Variants in LSM14A observed in about 807,000 individuals in gnomAD.
LSM14A encodes protein LSM14 homolog A.
LSM14A carries 14 observed loss-of-function variants against 52.4 expected under a neutral mutation model. The observed-to-expected ratio is 0.27, with a 90% CI of 0.18 to 0.42. LSM14A has a LOEUF of 0.42. Ranked by LOEUF, LSM14A falls within the 10% of genes least tolerant of loss-of-function variation. The pLI, the probability that LSM14A is intolerant of heterozygous loss-of-function variation, is 1.00. For missense variants in LSM14A, 417 were observed against 581.8 expected, an observed-to-expected ratio of 0.72 and a Z score of 2.91; for synonymous variants, 185 against 200.3, an observed-to-expected ratio of 0.92 and a Z score of 0.64.
Position 34,203,172 on chromosome 19 carries a change from G to A in LSM14A, c.416-5757G>A, listed in dbSNP as rs377161385. Among the ~76,000 whole-genome samples the A allele has an allele frequency of 4.0e-4, 61 of 152,304 alleles. No individual in the cohort carries two copies. The South Asian group carries it at 4.4e-3, about 11-fold the overall frequency. The stretch of plus-strand genomic sequence containing the variant: ...AACAGTGAAAGGTATAGATTGACCA[G>A]CTATCTAAAGTAATTCTATAGCAAG... On this transcript the variant is annotated intron_variant, in intron 3 of 9. Coordinates refer to ENST00000544216, the MANE Select transcript of LSM14A (RefSeq NM_015578.4).
intron 5 of LSM14A, 31 bp downstream of exon 5, chr19:34,215,331 TTGAC>T (rs2072497220): frequency 6.4e-7 from 1 of 1,559,504 alleles, no homozygotes; most frequent in African/African-American, 1.4e-5. Flanking sequence ...TGTTCCTTAA[TTGAC>T]TGATCAATGT....
chr19:34,173,285 C>CGATGCCGTGGAGCA (rs1471084777), intron 1 of LSM14A, among the ~76,000 whole-genome samples: 9 of 152,168 alleles, frequency 5.9e-5, no homozygotes, highest in African/African-American at 2.2e-4. Context: ...GAAATGCCAT[C>CGATGCCGTGGAGCA]GATGCCGTGG....
At chr19:34,220,088 G>C (rs999364131) in intron 8 of LSM14A, among the ~76,000 whole-genome samples, 1 of 152,050 alleles carries the variant, frequency 6.6e-6, no homozygotes, top group African/African-American at 2.4e-5. Context: ...TCCCATCTCA[G>C]CCTCAGTAAA....
chr19:34,175,227 T>A (rs1008623021), intron 1 of LSM14A, among the ~76,000 whole-genome samples: 1 of 151,988 alleles, frequency 6.6e-6, no homozygotes, highest in South Asian at 2.1e-4. Flanking sequence ...GCTTTTTCTT[T>A]TTCTTTTTTT....
At chr19:34,214,292 C>CTTTA (rs61278191) in intron 4 of LSM14A, among the ~76,000 whole-genome samples, 10,299 of 148,444 alleles carry the variant, frequency 0.069, 471 homozygotes, top group African/African-American at 0.14. Context: ...AGTTCTTTTA[C>CTTTA]TTTATTTATT....
At chr19:34,194,746 G>C (rs2070719307) in intron 2 of LSM14A, 105 bp downstream of exon 2, 2 of 1,020,666 alleles carry the variant, frequency 2.0e-6, no homozygotes, top group Admixed American at 4.2e-5. Flanking sequence ...TCATTTCCAA[G>C]TTACTGGGAT....
In LSM14A at chr19:34,191,731, G is replaced by T. The variant is rs547930321; in HGVS notation, c.122-2747G>T. Among the ~76,000 whole-genome samples, 8 of 152,226 alleles carry T rather than the reference G, an allele frequency of 5.3e-5. No homozygotes were observed. The South Asian group carries it at 6.2e-4, about 12-fold the overall frequency. ...GCTTCTCTAATTTTGTAGAAGAAGGGCCTTTGACTTTTTCCCTCTCTGCTT... is the reference window on the plus strand; with the variant it reads ...GCTTCTCTAATTTTGTAGAAGAAGGTCCTTTGACTTTTTCCCTCTCTGCTT... On this transcript the variant is annotated intron_variant, in intron 1 of 9. Coordinates refer to ENST00000544216, the MANE Select transcript of LSM14A (RefSeq NM_015578.4).
At chr19:34,218,960 G>A (rs889628961) in intron 6 of LSM14A, among the ~76,000 whole-genome samples, 3 of 152,186 alleles carry the variant, frequency 2.0e-5, no homozygotes, top group African/African-American at 7.2e-5. Context: ...CTTGGTTCCT[G>A]TTATTCTTTC....
At chr19:34,174,137 C>T (rs1005763106) in intron 1 of LSM14A, among the ~76,000 whole-genome samples, 2 of 152,114 alleles carry the variant, frequency 1.3e-5, no homozygotes, top group Non-Finnish European at 2.9e-5. Flanking sequence ...TTAGTAGAGA[C>T]GGGGTTTCAC....
Position 34,217,255 on chromosome 19 carries a change from CAAA to C in LSM14A, c.781+1613_781+1615del, listed in dbSNP as rs55881439. Among the ~76,000 whole-genome samples, 728 of 110,250 alleles carry C rather than the reference CAAA, an allele frequency of 6.6e-3. 7 individuals carry two copies. Among genetic ancestry groups the C allele is most frequent in the African/African-American group, 0.02 (586 of 29,936 alleles). The allele number at this position is 110,250 out of a possible 152,430, so 72.3% of individuals were successfully genotyped here. On this transcript the variant is annotated intron_variant, in intron 6 of 9. Transcript: ENST00000544216. ...CCTGGGCAACAGAGCGAGAGTCTGT[CAAA>C]AAAAAAAAAAAAAAAAAATTGAGCC... is the stretch of plus-strand genomic sequence containing the variant.
chr19:34,226,026 C>T (rs944139668), intron 9 of LSM14A, among the ~76,000 whole-genome samples: 5 of 151,592 alleles, frequency 3.3e-5, no homozygotes, highest in African/African-American at 7.3e-5. Context: ...CGCACCACTG[C>T]ACTCCAGCCT....
At chr19:34,191,676 GCT>G (rs1404461498) in intron 1 of LSM14A, among the ~76,000 whole-genome samples, 2 of 152,128 alleles carry the variant, frequency 1.3e-5, no homozygotes, top group Non-Finnish European at 2.9e-5. Context: ...ACCTGGCTAA[GCT>G]CTGTTAGGCC....
intron 1 of LSM14A, among the ~76,000 whole-genome samples, chr19:34,188,908 AT>A (rs1399014552): frequency 3.3e-5 from 5 of 151,874 alleles, no homozygotes; most frequent in Non-Finnish European, 7.4e-5. Flanking sequence ...TGTTTCTACC[AT>A]TTGGCTGTTT....
At chr19:34,176,504 G>C (rs1195907366) in intron 1 of LSM14A, among the ~76,000 whole-genome samples, 1 of 152,002 alleles carries the variant, frequency 6.6e-6, no homozygotes, top group Non-Finnish European at 1.5e-5. Context: ...ATGTTCTTCT[G>C]ACATTTATAG....
At chr19:34,177,807 GA>G (rs1242891307) in intron 1 of LSM14A, among the ~76,000 whole-genome samples, 1 of 151,894 alleles carries the variant, frequency 6.6e-6, no homozygotes, top group Non-Finnish European at 1.5e-5. Context: ...GAGGCAGGGG[GA>G]TTGCTTGAGC....
In LSM14A at chr19:34,197,421, A is replaced by C. The variant is rs916917644; in HGVS notation, c.415+658A>C. Among the ~76,000 whole-genome samples the C allele has an allele frequency of 6.6e-5, 8 of 120,502 alleles. No individual in the cohort carries two copies. The South Asian group carries it at 7.7e-4, about 12-fold the overall frequency. The allele number at this position is 120,502 out of a possible 152,430, so 79.1% of individuals were successfully genotyped here. ...TTTAATTAATAAATTTTTCTTTTTA[A>C]TTTCTTTTTCTTTTTTTTTTTTTTT... is the stretch of plus-strand genomic sequence containing the variant. On this transcript the variant is annotated intron_variant, in intron 3 of 9. Transcript: ENST00000544216.
intron 1 of LSM14A, among the ~76,000 whole-genome samples, chr19:34,186,675 A>G (rs1427510109): frequency 6.6e-6 from 1 of 152,228 alleles, no homozygotes; most frequent in African/African-American, 2.4e-5. Context: ...TGATCTGTGA[A>G]CTGAGAATAA....
chr19:34,218,870 G>C (rs80133321), intron 6 of LSM14A, among the ~76,000 whole-genome samples: 7 of 152,238 alleles, frequency 4.6e-5, no homozygotes, highest in African/African-American at 1.7e-4. Context: ...GTGCTTGTCT[G>C]TTTTTTATCT....
chr19:34,212,807 AG>A (rs1711582409), intron 4 of LSM14A, among the ~76,000 whole-genome samples: 1 of 152,222 alleles, frequency 6.6e-6, no homozygotes, highest in Non-Finnish European at 1.5e-5. Flanking sequence ...AGGCTTTTTA[AG>A]TACACAACAA....
Sources: gnomAD v4.1 joint callset for allele counts (sites outside exome capture counted in the v4.1 genomes callset) on GRCh38, gnomAD v4.1.1 for gene constraint, MANE v1.5 for transcripts, NCBI Gene and HGNC (gene_info 2026-07-23, HGNC 2026-07-21) for gene names.